Variants in ZNF783 observed in about 807,000 individuals in gnomAD.
ZNF783 encodes the protein protein ZNF783.
A neutral mutation model predicts 31.3 loss-of-function variants in ZNF783; 25 were observed. That is an observed-to-expected ratio of 0.80 (90% CI 0.58 to 1.11). The LOEUF is 1.11. Ranked by LOEUF, ZNF783 falls within the 50% of genes most tolerant of loss-of-function variation. ZNF783 has a pLI of 0.00. For missense variants in ZNF783, 797 were observed against 760.0 expected, an observed-to-expected ratio of 1.05 and a Z score of -0.57; for synonymous variants, 369 against 319.1, an observed-to-expected ratio of 1.16 and a Z score of -1.66.
chr7:149,262,544 C>T (rs978159066), intron 1 of ZNF783, among the ~76,000 whole-genome samples, 187 bp downstream of exon 1: 2 of 152,228 alleles, frequency 1.3e-5, no homozygotes, highest in African/African-American at 4.8e-5. Flanking sequence ...AAATGCCAGG[C>T]CCGGCGGGCG....
At chr7:149,272,938 C>G (rs1289380018) in intron 4 of ZNF783, among the ~76,000 whole-genome samples, 3 of 151,932 alleles carry the variant, frequency 2.0e-5, no homozygotes, top group Non-Finnish European at 4.4e-5. Flanking sequence ...TTCAACTTCT[C>G]TGTCTCCATG....
rs565249135 is a variant in ZNF783, at chr7:149,262,215, C to T, written c.-119C>T. 54 of 951,198 alleles carry T rather than the reference C, an allele frequency of 5.7e-5. No individual in the cohort carries two copies. Among genetic ancestry groups the T allele is most frequent in the Non-Finnish European group, 7.5e-5 (54 of 724,554 alleles). 58.9% of individuals were successfully genotyped at this position (951,198 alleles called of 1,614,324 possible). The stretch of plus-strand genomic sequence containing the variant: ...TGGCTCGGGACGCAGTTCGCTGCCG[C>T]CCGGCAGTAGCTCTCAGGTTAGGCG... On this transcript the variant is annotated 5_prime_UTR_variant, in exon 1 of 6. Coordinates refer to ENST00000434415, the MANE Select transcript of ZNF783 (RefSeq NM_001195220.2).
intron 4 of ZNF783, among the ~76,000 whole-genome samples, chr7:149,270,923 G>C (rs1391187947): frequency 1.3e-5 from 2 of 152,150 alleles, no homozygotes; most frequent in Non-Finnish European, 2.9e-5. Context: ...TTTATACATT[G>C]ATATTTCTAA....
chr7:149,281,696 G>A lies in ZNF783; in HGVS notation c.994G>A (p.Gly332Arg), dbSNP rs776397470. The change falls in exon 6 of 6, where the codon GGG becomes AGG. Residue 332 changes from glycine (G) to arginine (R), a missense_variant. Physicochemically the swap from Gly to Arg is moderately radical, Grantham distance 125. Coordinates refer to ENST00000434415, the MANE Select transcript of ZNF783 (RefSeq NM_001195220.2). ...RVRAGEPRPP[G>R]ASGETPRVLS... Reference sequence around the variant, plus strand: ...GCGGGCAGGGGAGCCACGGCCACCGGGGGCCAGTGGGGAGACGCCCCGAGT... The same window carrying A: ...GCGGGCAGGGGAGCCACGGCCACCGAGGGCCAGTGGGGAGACGCCCCGAGT... 6 of 1,492,462 alleles carry A rather than the reference G, an allele frequency of 4.0e-6. No homozygotes were observed. The highest frequency in any genetic ancestry group is 3.5e-6 in the Non-Finnish European group (4 of 1,130,812). 92.5% of individuals were successfully genotyped at this position (1,492,462 alleles called of 1,614,324 possible).
chr7:149,281,201 TC>T (rs1322620335), intron 5 of ZNF783, among the ~76,000 whole-genome samples: 1 of 152,194 alleles, frequency 6.6e-6, no homozygotes, highest in Non-Finnish European at 1.5e-5. Context: ...TGCTTCTGTG[TC>T]CCACTCCAGC....
chr7:149,270,609 C>T (rs938700715), intron 4 of ZNF783, among the ~76,000 whole-genome samples: 3 of 152,198 alleles, frequency 2.0e-5, no homozygotes, highest in African/African-American at 7.2e-5. Flanking sequence ...TAGGCCTTTG[C>T]AGCCATGATT....
At chr7:149,263,690 T>C (rs573202369) in intron 1 of ZNF783, among the ~76,000 whole-genome samples, 106 of 152,244 alleles carry the variant, frequency 7.0e-4, no homozygotes, top group African/African-American at 2.3e-3. Flanking sequence ...GTATGTCCAA[T>C]TGGGAGATTA....
chr7:149,278,788 A>G lies in ZNF783; in HGVS notation c.802+261A>G, dbSNP rs10255632. 0.036 allele frequency among the ~76,000 whole-genome samples: 5,443 copies of G among 151,944 alleles called. 164 individuals carry two copies. Among genetic ancestry groups the G allele is most frequent in the African/African-American group, 0.081 (3,374 of 41,412 alleles). On this transcript the variant is annotated intron_variant, in intron 5 of 5. Coordinates refer to ENST00000434415, the MANE Select transcript of ZNF783 (RefSeq NM_001195220.2). ...CTCTGCGTGTTGGGGGCCTGGGCACATGGGTCCGGTGGAGTGAGGGGAGGG... is the reference window on the plus strand; with the variant it reads ...CTCTGCGTGTTGGGGGCCTGGGCACGTGGGTCCGGTGGAGTGAGGGGAGGG...
Position 149,278,504 on chromosome 7 carries a change from T to G in ZNF783, c.779T>G (p.Val260Gly). The G allele has an allele frequency of 1.9e-6, 3 of 1,598,058 alleles. No individual in the cohort carries two copies. The highest frequency in any genetic ancestry group is 2.5e-6 in the Non-Finnish European group (3 of 1,179,448). ...CAGCAGCAGGACTCAGAGGCGAGAG[T>G]GGCCCCAGCCGGGCCAGAAGCAGGT... ...PKQQQDSEARVAPAGPEAGGG... is the reference protein window; with the variant it reads ...PKQQQDSEARGAPAGPEAGGG... Residue 260 changes from valine (V) to glycine (G), a missense_variant, in exon 5 of 6, where the codon GTG (valine) becomes GGG (glycine). Physicochemically the swap from Val to Gly is moderately radical, Grantham distance 109 (BLOSUM62 -3). Coordinates refer to ENST00000434415, the MANE Select transcript of ZNF783 (RefSeq NM_001195220.2).
In ZNF783 at chr7:149,281,677, A is replaced by G. The variant is rs999520487; in HGVS notation, c.975A>G (p.Ala325=). Residue 325 remains alanine, a synonymous_variant, in exon 6 of 6, where the codon GCA becomes GCG. Coordinates refer to ENST00000434415, the MANE Select transcript of ZNF783 (RefSeq NM_001195220.2). ...CCCAGGGCATGCCCAGGGTGCGGGC[A>G]GGGGAGCCACGGCCACCGGGGGCCA... ...HQAQGMPRVR[A]GEPRPPGASG... is the part of the protein sequence containing the mutation. 15 of 1,505,756 alleles carry G rather than the reference A, an allele frequency of 1.0e-5. No individual in the cohort carries two copies. The highest frequency in any genetic ancestry group is 1.2e-5 in the Non-Finnish European group (14 of 1,137,794). 93.3% of individuals were successfully genotyped at this position (1,505,756 alleles called of 1,614,324 possible). A position where few individuals can be genotyped will look rare whatever the true frequency, so the allele number is the denominator to read the frequency against.
At chr7:149,265,662 T>C (rs1411052590) in intron 1 of ZNF783, among the ~76,000 whole-genome samples, 1 of 152,196 alleles carries the variant, frequency 6.6e-6, no homozygotes, top group Non-Finnish European at 1.5e-5. Flanking sequence ...CAGATGGATA[T>C]TGAGGGAGAC....
rs202015847 is a variant in ZNF783, at chr7:149,267,105, A to G, written c.556A>G (p.Ile186Val). ...YETLVSLDYA[I>V]SKPDILTRIE... is the part of the protein sequence containing the mutation. ...TCTTGTTCTGTGCACAGATTATGCA[A>G]TCTCCAAACCAGACATCCTCACCCG... is the stretch of plus-strand genomic sequence containing the variant. The change falls in exon 4 of 6, where the codon ATC becomes GTC. Residue 186 changes from isoleucine to valine, a missense_variant. By Grantham distance (29) the Ile-to-Val change is conservative (BLOSUM62 3). Transcript: ENST00000434415. The G allele has an allele frequency of 4.4e-6, 7 of 1,600,180 alleles. No individual in the cohort carries two copies. The highest frequency in any genetic ancestry group is 4.5e-5 in the East Asian group (2 of 44,874).
Position 149,262,364 on chromosome 7 carries a change from GC to G in ZNF783, c.24+10del. ...CGAAGCGGCGCCTGCCCGGGTAAGCGCCCTCGGCCCCGCGGACGCCCGGAAG... is the reference window on the plus strand; with the variant it reads ...CGAAGCGGCGCCTGCCCGGGTAAGCGCCTCGGCCCCGCGGACGCCCGGAAG... On this transcript the variant is annotated splice_region_variant and intron_variant, in intron 1 of 5. Transcript: ENST00000434415. 2.3e-6 allele frequency: 3 copies of G among 1,295,354 alleles called. No individual in the cohort carries two copies. Among genetic ancestry groups the G allele is most frequent in the African/African-American group, 3.1e-5 (2 of 64,362 alleles). 80.2% of individuals were successfully genotyped at this position (1,295,354 alleles called of 1,614,324 possible). A position where few individuals can be genotyped will look rare whatever the true frequency, so the allele number is the denominator to read the frequency against.
At chr7:149,274,566 A>G (rs531922809) in intron 4 of ZNF783, among the ~76,000 whole-genome samples, 1 of 152,292 alleles carries the variant, frequency 6.6e-6, no homozygotes, top group African/African-American at 2.4e-5. Context: ...GAGTTTCACC[A>G]TATTGGTCAG....
At position 149,266,745 on chromosome 7, in the gene ZNF783, C is replaced by A; in HGVS notation, c.420+15C>A. 1 of 1,613,506 alleles carries A rather than the reference C, an allele frequency of 6.2e-7. No homozygotes were observed. Among genetic ancestry groups the A allele is most frequent in the Non-Finnish European group, 8.5e-7 (1 of 1,179,706 alleles). ...AGGCCCCCAAGGTAGCACCGGGACACCCTGGGGTGGGGGAGCTCGAGGGGC... is the reference window on the plus strand; with the variant it reads ...AGGCCCCCAAGGTAGCACCGGGACAACCTGGGGTGGGGGAGCTCGAGGGGC... On this transcript the variant is annotated intron_variant, in intron 2 of 5. Transcript: ENST00000434415.
Position 149,282,313 on chromosome 7 carries a change from G to T in ZNF783, c.1611G>T (p.Leu537=). The T allele has an allele frequency of 3.9e-6, 6 of 1,554,450 alleles. No homozygotes were observed. The highest frequency in any genetic ancestry group is 5.2e-6 in the Non-Finnish European group (6 of 1,158,258). ...CCGCCCGCCACGGGAGCCTGCCCCTGCCCTGGCCCAGCCGGAAGGAGGAGG... is the reference window on the plus strand; with the variant it reads ...CCGCCCGCCACGGGAGCCTGCCCCTTCCCTGGCCCAGCCGGAAGGAGGAGG... The part of the protein sequence containing the change: ...AAPARHGSLP[L]PWPSRKEEG Residue 537 remains leucine (L), a synonymous_variant, in exon 6 of 6, where the codon CTG becomes CTT. Transcript: ENST00000434415.
chr7:149,267,533 C>T (rs1797108371), intron 4 of ZNF783, among the ~76,000 whole-genome samples: 1 of 152,182 alleles, frequency 6.6e-6, no homozygotes, highest in Non-Finnish European at 1.5e-5. Context: ...CGCGGTGGCT[C>T]ACGCCTGTAA....
At chr7:149,276,900 G>A (rs1797344775) in intron 4 of ZNF783, among the ~76,000 whole-genome samples, 3 of 151,632 alleles carry the variant, frequency 2.0e-5, no homozygotes, top group Admixed American at 2.0e-4. Flanking sequence ...CCAGGCTGGA[G>A]TGCAGTGGCG....
chr7:149,272,895 C>T (rs1307090066), intron 4 of ZNF783, among the ~76,000 whole-genome samples: 1 of 151,816 alleles, frequency 6.6e-6, no homozygotes, highest in East Asian at 1.9e-4. Context: ...CTCGCACCTT[C>T]CCCCAACCCT....
Sources: gnomAD v4.1 joint callset for allele counts (sites outside exome capture counted in the v4.1 genomes callset) on GRCh38, gnomAD v4.1.1 for gene constraint, MANE v1.5 for transcripts, NCBI Gene and HGNC (gene_info 2026-07-23, HGNC 2026-07-21) for gene names.